VRK2: variants seen among roughly 807,000 people sequenced by gnomAD.
VRK2 encodes the protein serine/threonine-protein kinase VRK2.
VRK2 carries 60 observed loss-of-function variants against 57.6 expected under a neutral mutation model. That is an observed-to-expected ratio of 1.04 (90% CI 0.85 to 1.29). The LOEUF (loss-of-function observed/expected upper bound fraction) is 1.29, where lower values mean the gene tolerates loss of function less well. Ranked by LOEUF, VRK2 falls within the 50% of genes most tolerant of loss-of-function variation. The probability of loss-of-function intolerance (pLI) is 0.00; values close to 1 mark genes in which losing one functional copy is unlikely to be tolerated. For missense variants in VRK2, 705 were observed against 588.1 expected, an observed-to-expected ratio of 1.20 and a Z score of -2.06; for synonymous variants, 231 against 199.2, an observed-to-expected ratio of 1.16 and a Z score of -1.35.
chr2:58,105,802 A>G (rs993551870), intron 7 of VRK2, among the ~76,000 whole-genome samples: 1 of 151,936 alleles, frequency 6.6e-6, no homozygotes, highest in Non-Finnish European at 1.5e-5. Flanking sequence ...GCGACCTCAA[A>G]TACTATCTTT....
At chr2:58,158,797 T>C (rs1342741918) in intron 12 of VRK2, among the ~76,000 whole-genome samples, 3 of 152,282 alleles carry the variant, frequency 2.0e-5, no homozygotes, top group East Asian at 1.9e-4. Flanking sequence ...ATTTGCTTTA[T>C]ATTAATATCT....
intron 7 of VRK2, among the ~76,000 whole-genome samples, chr2:58,118,992 G>A (rs923434170): frequency 2.0e-5 from 3 of 152,270 alleles, no homozygotes; most frequent in East Asian, 1.9e-4. Context: ...ACAAATCACA[G>A]TGGTGGAATG....
intron 2 of VRK2, 142 bp from the exon 3 acceptor site, chr2:58,083,947 A>G (rs1456328477): frequency 1.3e-6 from 1 of 792,070 alleles, no homozygotes; most frequent in Non-Finnish European, 1.9e-6. Flanking sequence ...GAGATGATTG[A>G]TTCCTACTAC....
At chr2:58,006,027 C>T (rs1179145469) in intron 1 of VRK2, among the ~76,000 whole-genome samples, 2 of 152,146 alleles carry the variant, frequency 1.3e-5, no homozygotes, top group African/African-American at 4.8e-5. Flanking sequence ...TCTTTGCTTC[C>T]AGACCTGTAG....
At chr2:58,111,539 C>T (rs1675567113) in intron 7 of VRK2, among the ~76,000 whole-genome samples, 1 of 152,054 alleles carries the variant, frequency 6.6e-6, no homozygotes, top group Non-Finnish European at 1.5e-5. Context: ...ATTGCTTGAG[C>T]CCAGGAGTTC....
At chr2:57,945,699 T>G (rs1483532465) in intron 1 of VRK2, among the ~76,000 whole-genome samples, 5 of 152,186 alleles carry the variant, frequency 3.3e-5, no homozygotes, top group Non-Finnish European at 7.4e-5. Context: ...CACATGGACA[T>G]GGATGTATAC....
chr2:57,962,281 T>C (rs1361947881), intron 1 of VRK2, among the ~76,000 whole-genome samples: 1 of 152,000 alleles, frequency 6.6e-6, no homozygotes, highest in Non-Finnish European at 1.5e-5. Flanking sequence ...AAAAGAAAAA[T>C]AAACTCCCAG....
intron 1 of VRK2, 195 bp downstream of exon 1, chr2:58,047,063 A>G: frequency 1.2e-6 from 1 of 803,746 alleles, no homozygotes; most frequent in East Asian, 1.3e-4. Context: ...CCCCGCTGGG[A>G]GTGAGAACAA....
chr2:57,978,568 TATTG>T (rs1263495761), intron 1 of VRK2, among the ~76,000 whole-genome samples: 1 of 151,082 alleles, frequency 6.6e-6, no homozygotes, highest in Non-Finnish European at 1.5e-5. Flanking sequence ...ATCTAAATCA[TATTG>T]ATTGACATAT....
intron 1 of VRK2, among the ~76,000 whole-genome samples, chr2:58,015,847 A>G (rs1228856639): frequency 4.6e-5 from 7 of 152,206 alleles, no homozygotes; most frequent in African/African-American, 1.7e-4. Context: ...AATATTGGAA[A>G]TTATTACATA....
At chr2:57,917,158 G>C (rs1287437097) in intron 1 of VRK2, among the ~76,000 whole-genome samples, 2 of 152,058 alleles carry the variant, frequency 1.3e-5, no homozygotes, top group African/African-American at 4.8e-5. Context: ...GTATCTAGCT[G>C]GCTTGGAGAA....
intron 1 of VRK2, among the ~76,000 whole-genome samples, chr2:57,945,280 A>G (rs1671226609): frequency 6.6e-6 from 1 of 152,172 alleles, no homozygotes; most frequent in African/African-American, 2.4e-5. Flanking sequence ...ATAAGTATGT[A>G]TGTGCCTCCT....
intron 2 of VRK2, among the ~76,000 whole-genome samples, chr2:58,066,973 C>T (rs1414119866): frequency 1.3e-5 from 2 of 152,186 alleles, no homozygotes. Context: ...GACCCACCCT[C>T]AACCTGAGTG....
chr2:57,919,073 T>C (rs966549731), intron 1 of VRK2, among the ~76,000 whole-genome samples: 3 of 152,122 alleles, frequency 2.0e-5, no homozygotes, highest in Admixed American at 6.6e-5. Flanking sequence ...CCAATTTAAT[T>C]CATCAAGACT....
intron 1 of VRK2, among the ~76,000 whole-genome samples, chr2:57,923,947 C>T (rs1670448387): frequency 6.6e-6 from 1 of 152,070 alleles, no homozygotes; most frequent in Middle Eastern, 3.4e-3. Context: ...GTATGGATAT[C>T]CAGTTTTACC....
At chr2:58,120,257 C>T (rs1388634426) in intron 7 of VRK2, among the ~76,000 whole-genome samples, 1 of 123,810 alleles carries the variant, frequency 8.1e-6, no homozygotes, top group African/African-American at 3.0e-5. Context: ...GTGGCACAAT[C>T]TTCGGCTCAC....
chr2:58,036,987 G>A (rs997284980), intron 3 of VRK2, among the ~76,000 whole-genome samples: 6 of 151,846 alleles, frequency 4.0e-5, no homozygotes, highest in Admixed American at 2.0e-4. Flanking sequence ...TGCCTAGTCT[G>A]GAGTGTAGTG....
At chr2:58,068,987 A>G (rs140052604) in intron 2 of VRK2, among the ~76,000 whole-genome samples, 121 of 152,230 alleles carry the variant, frequency 7.9e-4, no homozygotes, top group African/African-American at 2.8e-3. Context: ...AAAGTCTGTC[A>G]GATAATTTCA....
intron 1 of VRK2, among the ~76,000 whole-genome samples, chr2:57,973,024 T>C (rs549459470): frequency 7.2e-5 from 11 of 152,046 alleles, no homozygotes; most frequent in Admixed American, 5.3e-4. Context: ...TGAATATCTT[T>C]GGAATAGATT....
Sources: gnomAD v4.1 joint callset for allele counts (sites outside exome capture counted in the v4.1 genomes callset) on GRCh38, gnomAD v4.1.1 for gene constraint, MANE v1.5 for transcripts, NCBI Gene and HGNC (gene_info 2026-07-23, HGNC 2026-07-21) for gene names.